STK36: variants seen among roughly 807,000 people sequenced by gnomAD.
STK36 encodes the protein serine/threonine-protein kinase 36.
A neutral mutation model predicts 142.2 loss-of-function variants in STK36; 116 were observed. The ratio of observed to expected loss-of-function variants is 0.82; its 90% CI spans 0.70 to 0.95. The LOEUF is 0.95. Among genes scored for constraint, STK36 ranks in the 40% least tolerant of loss-of-function variants. The pLI is 0.00. For synonymous variants in STK36, 619 were observed against 641.7 expected, an observed-to-expected ratio of 0.96 and a Z score of 0.53; for missense variants, 1,422 against 1,617.2, an observed-to-expected ratio of 0.88 and a Z score of 2.07.
At position 218,701,136 on chromosome 2, in the gene STK36, CT is replaced by C. The variant is rs35602378; in HGVS notation, c.3805-716del. Among the ~76,000 whole-genome samples, 396 of 142,680 alleles carry C rather than the reference CT, an allele frequency of 2.8e-3. 2 individuals are homozygous for C. Among genetic ancestry groups the C allele is most frequent in the Admixed American group, 0.012 (167 of 14,462 alleles). 93.6% of individuals were successfully genotyped at this position (142,680 alleles called of 152,430 possible). On this transcript the variant is annotated intron_variant, in intron 26 of 26. Transcript: ENST00000295709. ...AGAAATTTGAGAGGATGGTGAAGAT[CT>C]TTTTTTTTTTTTTGAGACGGAGTCT...
intron 26 of STK36, 60 bp from the exon 27 acceptor site, chr2:218,701,806 C>T: frequency 1.3e-6 from 2 of 1,594,832 alleles, no homozygotes; most frequent in Non-Finnish European, 1.7e-6. Flanking sequence ...CGCACCTGCC[C>T]CAGACACCAC....
At position 218,697,197 on chromosome 2, in the gene STK36, A is replaced by G. The variant is rs1178646521; in HGVS notation, c.2745A>G (p.Thr915=). 4 of 1,612,726 alleles carry G rather than the reference A, an allele frequency of 2.5e-6. No homozygotes were observed. The highest frequency in any genetic ancestry group is 4.5e-5 in the East Asian group (2 of 44,884). ...SSPPSPEPDW[T]LISPQGMAAL... ...CACCAAGCCCTGAGCCAGACTGGAC[A>G]CTGATTTCTCCCCAGGGTATCTTTC... Residue 915 remains threonine, a synonymous_variant, in exon 23 of 27, where the codon ACA becomes ACG. Coordinates refer to ENST00000295709, the MANE Select transcript of STK36 (RefSeq NM_015690.5).
At chr2:218,675,902 T>A in intron 5 of STK36, 127 bp from the exon 6 acceptor site, 1 of 1,223,058 alleles carries the variant, frequency 8.2e-7, no homozygotes, top group South Asian at 1.4e-5. Flanking sequence ...GGACTGCTGC[T>A]GGGTCTTCTG....
chr2:218,689,967 A>G lies in STK36; in HGVS notation c.1658+11A>G, dbSNP rs1940932255. ...CCAGACAAGTGACAGGTAGGATAAGAAGTGCTTTTGCATTGTTGGCAAGTT... is the reference window on the plus strand; with the variant it reads ...CCAGACAAGTGACAGGTAGGATAAGGAGTGCTTTTGCATTGTTGGCAAGTT... On this transcript the variant is annotated intron_variant, in intron 13 of 26. Coordinates refer to ENST00000295709, the MANE Select transcript of STK36 (RefSeq NM_015690.5). 6.4e-7 allele frequency: 1 copy of G among 1,571,816 alleles called. No individual in the cohort carries two copies. Among genetic ancestry groups the G allele is most frequent in the Non-Finnish European group, 8.6e-7 (1 of 1,156,632 alleles).
intron 25 of STK36, 136 bp from the exon 26 acceptor site, chr2:218,698,466 G>C: frequency 9.5e-7 from 1 of 1,047,636 alleles, no homozygotes; most frequent in Non-Finnish European, 1.4e-6. Context: ...CATGTGGAGT[G>C]CTGTGGGGCA....
At chr2:218,689,052 G>T (rs1575134388) in intron 12 of STK36, among the ~76,000 whole-genome samples, 176 bp downstream of exon 12, 1 of 152,166 alleles carries the variant, frequency 6.6e-6, no homozygotes, top group East Asian at 1.9e-4. Flanking sequence ...GGCAGATAAG[G>T]TCTGCCATGA....
intron 26 of STK36, 150 bp from the exon 27 acceptor site, chr2:218,701,716 G>A: frequency 2.4e-6 from 2 of 828,666 alleles, no homozygotes; most frequent in Non-Finnish European, 3.7e-6. Flanking sequence ...CTGCCATTCA[G>A]TCTATTCCAA....
chr2:218,694,634 A>C lies in STK36; in HGVS notation c.2510A>C (p.Glu837Ala), dbSNP rs1465649617. The C allele has an allele frequency of 2.5e-6, 4 of 1,613,820 alleles. No individual in the cohort carries two copies. In the Admixed American group the frequency reaches 6.7e-5, roughly 27 times the overall value. Reference sequence around the variant, plus strand: ...ACACATGCCTTGTCTGCCCCTGCAGAGGTGAGGCCCCCCAGGGAGGGCACA... The same window carrying C: ...ACACATGCCTTGTCTGCCCCTGCAGCGGTGAGGCCCCCCAGGGAGGGCACA... ...AATHALSAPA[E>A]VRLTPPGSCG... is the part of the protein sequence containing the mutation. The change falls in exon 21 of 27, where the codon GAG becomes GCG. Residue 837 changes from glutamate (E) to alanine (A), a missense_variant and splice_region_variant. Around this residue, in one of 2 missense-constraint regions of STK36, gnomAD observed 962 missense variants for 1,167.5 expected, o/e 0.82. Transcript: ENST00000295709. This position sits in a 1 kb window ranked among gnomAD's most constrained non-coding sequence, Gnocchi z 4.4.
intron 12 of STK36, among the ~76,000 whole-genome samples, chr2:218,689,623 C>T (rs941475487): frequency 4.6e-5 from 7 of 152,134 alleles, no homozygotes; most frequent in African/African-American, 1.7e-4. Context: ...AAAATAGAAC[C>T]TCCTATACTC....
At chr2:218,674,763 G>A (rs1447057797) in intron 4 of STK36, among the ~76,000 whole-genome samples, 3 of 152,074 alleles carry the variant, frequency 2.0e-5, no homozygotes, top group Non-Finnish European at 4.4e-5. Flanking sequence ...ACCATGCCTA[G>A]CTAATTTTGT....
At position 218,676,117 on chromosome 2, in the gene STK36, C is replaced by T. The variant is rs753011053; in HGVS notation, c.523C>T (p.Arg175Ter). 1.9e-6 allele frequency: 3 copies of T among 1,613,964 alleles called. No homozygotes were observed. The highest frequency in any genetic ancestry group is 2.7e-5 in the African/African-American group (2 of 74,888). Residue 175 changes from arginine to a stop codon, truncating the protein, a stop_gained, in exon 6 of 27, where the codon CGA (arginine) becomes TGA (stop). Coordinates refer to ENST00000295709, the MANE Select transcript of STK36 (RefSeq NM_015690.5). LOFTEE classifies it high-confidence loss of function. ...TATGTCTCCAGAGCTGGTGGAGGAG[C>T]GACCATACGACCACACAGCGGACCT... The part of the protein sequence containing the change: ...LYMSPELVEE[R>*]PYDHTADLWS...
chr2:218,685,265 C>T, intron 11 of STK36, 37 bp downstream of exon 11: 4 of 1,610,070 alleles, frequency 2.5e-6, no homozygotes, highest in Non-Finnish European at 3.4e-6. Flanking sequence ...GGGATCAAGA[C>T]TGTTTTCACA....
chr2:218,693,722 G>A lies in STK36; in HGVS notation c.2149-1G>A. ...TGCCAGACTCCTTCCTTCTCCCTCA[G>A]GTTCTATACTCCTGCTGCCTTGTCA... is the stretch of plus-strand genomic sequence containing the variant. On this transcript the variant is annotated splice_acceptor_variant, in intron 17 of 26. Coordinates refer to ENST00000295709, the MANE Select transcript of STK36 (RefSeq NM_015690.5). LOFTEE classifies it high-confidence loss of function. 6.2e-7 allele frequency: 1 copy of A among 1,613,820 alleles called. No homozygotes were observed.
Position 218,697,555 on chromosome 2 carries a change from A to G in STK36, c.2854A>G (p.Met952Val), listed in dbSNP as rs1029627142. ...SCLSQHGSIL[M>V]SILKHLLCPS... is the part of the protein sequence containing the mutation. ...CCTGTCCCAGCATGGAAGTATCCTC[A>G]TGTCCATCCTGAAGCATCTGCTTTG... The change falls in exon 24 of 27, where the codon ATG becomes GTG. Residue 952 changes from methionine (M) to valine (V), a missense_variant. Physicochemically the swap from Met to Val is conservative, Grantham distance 21. Transcript: ENST00000295709. 11 of 1,614,182 alleles carry G rather than the reference A, an allele frequency of 6.8e-6. No individual in the cohort carries two copies. The highest frequency in any genetic ancestry group is 1.1e-5 in the South Asian group (1 of 91,078).
At chr2:218,697,826 C>G in intron 24 of STK36, 28 bp from the exon 25 acceptor site, 1 of 1,614,032 alleles carries the variant, frequency 6.2e-7, no homozygotes, top group Non-Finnish European at 8.5e-7. Context: ...TGAACAAGAC[C>G]AAGTCTCTTC....
intron 6 of STK36, among the ~76,000 whole-genome samples, chr2:218,677,460 C>G (rs531782225): frequency 2.0e-4 from 31 of 152,282 alleles, no homozygotes; most frequent in Admixed American, 1.3e-3. Context: ...GGTCTTAATT[C>G]TGGGAGGGTG....
At chr2:218,688,907 T>G in intron 12 of STK36, 31 bp downstream of exon 12, 1 of 1,536,560 alleles carries the variant, frequency 6.5e-7, no homozygotes, top group Non-Finnish European at 8.7e-7. Context: ...CTCTGAAGAC[T>G]TACAGAGGTT....
rs892643340 is a variant in STK36, at chr2:218,694,141, C to G, written c.2337-123C>G. 3.4e-6 allele frequency: 4 copies of G among 1,170,984 alleles called. No homozygotes were observed. The African/African-American group carries it at 4.5e-5, about 13-fold the overall frequency. The allele number at this position is 1,170,984 out of a possible 1,614,324, so 72.5% of individuals were successfully genotyped here. A position where few individuals can be genotyped will look rare whatever the true frequency, so the allele number is the denominator to read the frequency against. On this transcript the variant is annotated intron_variant, in intron 19 of 26. Transcript: ENST00000295709. The surrounding 1 kb of genome is among the most constrained non-coding windows in gnomAD (Gnocchi z 4.4). ...ACAAAGAACAGACCTAGACTCCCAT[C>G]AACTTTGTGCCTTGGAGGTAGACAT...
At chr2:218,690,106 T>A in intron 13 of STK36, 150 bp downstream of exon 13, 1 of 741,444 alleles carries the variant, frequency 1.3e-6, no homozygotes, top group Non-Finnish European at 2.2e-6. Flanking sequence ...ATAGTCCTTT[T>A]AAGGACCCTA....
Sources: allele counts gnomAD v4.1 joint callset (sites outside exome capture counted in the v4.1 genomes callset), GRCh38; gene constraint gnomAD v4.1.1; regional missense constraint gnomAD v4.1.1; non-coding constraint Gnocchi (gnomAD v3.1); transcripts MANE v1.5; gene names NCBI Gene and HGNC (gene_info 2026-07-23, HGNC 2026-07-21).